CAMSAP1: variants seen among roughly 807,000 people sequenced by gnomAD.
The protein encoded by CAMSAP1 is calmodulin regulated spectrin associated protein 1, also known as calmodulin-regulated spectrin-associated protein 1.
A neutral mutation model predicts 143.5 loss-of-function variants in CAMSAP1; 58 were observed. The ratio of observed to expected loss-of-function variants is 0.40; its 90% CI spans 0.33 to 0.50. The LOEUF is 0.50. Among genes scored for constraint, CAMSAP1 ranks in the 20% least tolerant of loss-of-function variants. The pLI is 0.45. For synonymous variants in CAMSAP1, 945 were observed against 859.3 expected (o/e 1.10, Z -1.74); for missense variants, 1,969 against 2,115.7 (o/e 0.93, Z 1.36).
At chr9:135,893,159 G>C (rs1038058072) in intron 1 of CAMSAP1, among the ~76,000 whole-genome samples, 7 of 151,686 alleles carry the variant, frequency 4.6e-5, no homozygotes, top group African/African-American at 1.5e-4. Context: ...GACAGAATGA[G>C]ATCCTGTTGA....
At chr9:135,829,674 G>A (rs1346539048) in intron 7 of CAMSAP1, among the ~76,000 whole-genome samples, 6 of 152,014 alleles carry the variant, frequency 3.9e-5, no homozygotes, top group Admixed American at 6.6e-5. Context: ...GCCACATGGT[G>A]AAACTCCATG....
In CAMSAP1 at chr9:135,887,357, C is replaced by T. The variant is rs577352768; in HGVS notation, c.161-4279G>A. 2.0e-5 allele frequency among the ~76,000 whole-genome samples: 3 copies of T among 152,226 alleles called. No individual in the cohort carries two copies. The South Asian group carries it at 6.2e-4, about 32-fold the overall frequency. On this transcript the variant is annotated intron_variant, in intron 1 of 16. Coordinates refer to ENST00000389532, the MANE Select transcript of CAMSAP1 (RefSeq NM_015447.4). ...GAGCCCGCCGGACTCAGCTGGCAGC[C>T]TCGGGAAGAGCATTCTGAGAACTGG...
chr9:135,844,845 A>T (rs1427817285), intron 7 of CAMSAP1, among the ~76,000 whole-genome samples: 1 of 152,222 alleles, frequency 6.6e-6, no homozygotes, highest in African/African-American at 2.4e-5. Flanking sequence ...TGAATAGACC[A>T]ATAACAAGTT....
chr9:135,865,426 G>A (rs1034236036), intron 4 of CAMSAP1: 4 of 1,507,586 alleles, frequency 2.7e-6, no homozygotes, highest in Non-Finnish European at 3.6e-6. Context: ...GTCCACGTGT[G>A]GACGAGGTAA....
At chr9:135,879,995 A>G (rs1303288541) in intron 3 of CAMSAP1, among the ~76,000 whole-genome samples, 2 of 152,048 alleles carry the variant, frequency 1.3e-5, no homozygotes, top group Admixed American at 6.6e-5. Flanking sequence ...AAACTATCAG[A>G]ATTTTTACCA....
chr9:135,832,380 C>T (rs1328209111), intron 7 of CAMSAP1, among the ~76,000 whole-genome samples: 2 of 151,954 alleles, frequency 1.3e-5, no homozygotes, highest in African/African-American at 4.8e-5. Flanking sequence ...TTAAAAAAAA[C>T]AACTCTACAC....
chr9:135,858,498 C>T lies in CAMSAP1; in HGVS notation c.808+3969G>A, dbSNP rs541532038. Among the ~76,000 whole-genome samples, 5 of 152,320 alleles carry T rather than the reference C, an allele frequency of 3.3e-5. No homozygotes were observed. In the East Asian group the frequency reaches 9.6e-4, roughly 29 times the overall value. Reference sequence around the variant, plus strand: ...GTCCCACTACTCTTTCCCCTATGATCCATGAAATATTTAAATGCCTTCTCT... The same window carrying T: ...GTCCCACTACTCTTTCCCCTATGATTCATGAAATATTTAAATGCCTTCTCT... On this transcript the variant is annotated intron_variant, in intron 5 of 16. Transcript: ENST00000389532.
At chr9:135,900,479 G>C (rs1019156207) in intron 1 of CAMSAP1, among the ~76,000 whole-genome samples, 1 of 151,960 alleles carries the variant, frequency 6.6e-6, no homozygotes, top group African/African-American at 2.4e-5. Flanking sequence ...AGATCACGAG[G>C]TCAGGAGATC....
At chr9:135,905,782 C>T (rs1405607559) in intron 1 of CAMSAP1, among the ~76,000 whole-genome samples, 1 of 152,216 alleles carries the variant, frequency 6.6e-6, no homozygotes, top group African/African-American at 2.4e-5. Flanking sequence ...GCAGGTGAGC[C>T]CACGCAGCCG....
intron 3 of CAMSAP1, among the ~76,000 whole-genome samples, chr9:135,881,192 A>G (rs1348473716): frequency 1.3e-5 from 2 of 152,036 alleles, no homozygotes; most frequent in African/African-American, 4.8e-5. Flanking sequence ...AAAATTAAAA[A>G]AAATAAAAAA....
rs200349606 is a variant in CAMSAP1, at chr9:135,821,383, A to G, written c.3278T>C (p.Leu1093Pro). Residue 1093 changes from leucine to proline, a missense_variant, in exon 11 of 17, where the codon CTG (leucine) becomes CCG (proline). Physicochemically the swap from Leu to Pro is moderately conservative, Grantham distance 98 (BLOSUM62 -3). This residue lies in a region of CAMSAP1 where 1,390 missense variants were observed against 1,420.8 expected (regional missense o/e 0.98). Transcript: ENST00000389532. This position sits in a 1 kb window ranked among gnomAD's most constrained non-coding sequence, Gnocchi z 4.6. ...GGAACGGGAATTCCGGCCTTGACCCAGCCGGGGGGCTTTGCGGTGGCCAGC... is the reference window on the plus strand; with the variant it reads ...GGAACGGGAATTCCGGCCTTGACCCGGCCGGGGGGCTTTGCGGTGGCCAGC... Reference protein sequence around the residue: ...GVAGHRKAPRLGQGRNSRSGR... With the variant: ...GVAGHRKAPRPGQGRNSRSGR... The G allele has an allele frequency of 5.0e-6, 8 of 1,613,796 alleles. 1 individual carries two copies. The Middle Eastern group carries it at 5.0e-4, about 100-fold the overall frequency.
At chr9:135,846,269 A>G (rs964110829) in intron 7 of CAMSAP1, among the ~76,000 whole-genome samples, 10 of 152,180 alleles carry the variant, frequency 6.6e-5, no homozygotes, top group Non-Finnish European at 1.0e-4. Flanking sequence ...TGACAAAAAC[A>G]AGCAATGGGG....
At chr9:135,852,673 T>A (rs146886950) in intron 5 of CAMSAP1, among the ~76,000 whole-genome samples, 1 of 152,214 alleles carries the variant, frequency 6.6e-6, no homozygotes, top group African/African-American at 2.4e-5. Flanking sequence ...ATCTGGTCCA[T>A]GTGACTGCCC....
At chr9:135,897,207 T>G (rs1417761409) in intron 1 of CAMSAP1, among the ~76,000 whole-genome samples, 1 of 151,958 alleles carries the variant, frequency 6.6e-6, no homozygotes, top group African/African-American at 2.4e-5. Flanking sequence ...CAGGCTGGAG[T>G]GCAGTGGTAC....
intron 7 of CAMSAP1, among the ~76,000 whole-genome samples, chr9:135,839,997 C>A (rs1836279818): frequency 6.6e-6 from 1 of 152,210 alleles, no homozygotes. Flanking sequence ...AGAGCACAGA[C>A]TACCACCTGC....
Position 135,824,746 on chromosome 9 carries a change from G to C in CAMSAP1, c.1315+43C>G, listed in dbSNP as rs202053346. On this transcript the variant is annotated intron_variant, in intron 9 of 16. Coordinates refer to ENST00000389532, the MANE Select transcript of CAMSAP1 (RefSeq NM_015447.4). This position sits in a 1 kb window ranked among gnomAD's most constrained non-coding sequence, Gnocchi z 4.1. ...AGAAATATGATTTTACTAATCTATA[G>C]TAAGGAGAAATTAAGGAAAAAAGGA... 360 of 1,269,426 alleles carry C rather than the reference G, an allele frequency of 2.8e-4. No individual in the cohort carries two copies. The highest frequency in any genetic ancestry group is 3.5e-4 in the Non-Finnish European group (322 of 912,688). 78.6% of individuals were successfully genotyped at this position (1,269,426 alleles called of 1,614,324 possible). A position where few individuals can be genotyped will look rare whatever the true frequency, so the allele number is the denominator to read the frequency against.
intron 3 of CAMSAP1, among the ~76,000 whole-genome samples, chr9:135,878,879 CAG>C (rs1837839198): frequency 2.6e-5 from 4 of 152,132 alleles, no homozygotes; most frequent in African/African-American, 7.2e-5. Flanking sequence ...GGCAAGAAAA[CAG>C]TAAAATATGG....
At position 135,821,316 on chromosome 9, in the gene CAMSAP1, C is replaced by T. The variant is rs777505118; in HGVS notation, c.3345G>A (p.Gln1115=). ...AELKVPKDRP[Q]GSSRSKTPTP... Reference sequence around the variant, plus strand: ...TTGGGGTTTTACTTCGGGAGGAGCCCTGTGGCCTGTCTTTTGGGACCTTCA... The same window carrying T: ...TTGGGGTTTTACTTCGGGAGGAGCCTTGTGGCCTGTCTTTTGGGACCTTCA... The change falls in exon 11 of 17, where the codon CAG becomes CAA. Residue 1115 remains glutamine, a synonymous_variant. Coordinates refer to ENST00000389532, the MANE Select transcript of CAMSAP1 (RefSeq NM_015447.4). The surrounding 1 kb of genome is among the most constrained non-coding windows in gnomAD (Gnocchi z 4.6). The T allele has an allele frequency of 2.5e-6, 4 of 1,613,140 alleles. No homozygotes were observed. The highest frequency in any genetic ancestry group is 2.5e-6 in the Non-Finnish European group (3 of 1,179,872).
At position 135,822,396 on chromosome 9, in the gene CAMSAP1, C is replaced by T. The variant is rs1212713549; in HGVS notation, c.2265G>A (p.Glu755=). ...ATCTGCTGAAAACCACAGGATGGGC[C>T]TCACCCATGAAATCGTGCTCGGCTT... is the stretch of plus-strand genomic sequence containing the variant. ...IEEAEHDFMG[E]AHPVVFSRYI... Residue 755 remains glutamate (E), a synonymous_variant, in exon 11 of 17, where the codon GAG becomes GAA. Transcript: ENST00000389532. This position sits in a 1 kb window ranked among gnomAD's most constrained non-coding sequence, Gnocchi z 6.1. 12 of 1,613,870 alleles carry T rather than the reference C, an allele frequency of 7.4e-6. No individual in the cohort carries two copies. Among genetic ancestry groups the T allele is most frequent in the Admixed American group, 1.7e-5 (1 of 60,006 alleles).
Sources: gnomAD v4.1 joint callset for allele counts (sites outside exome capture counted in the v4.1 genomes callset) on GRCh38, gnomAD v4.1.1 for gene constraint, gnomAD v4.1.1 regional missense constraint, Gnocchi (gnomAD v3.1) non-coding constraint, MANE v1.5 for transcripts, NCBI Gene and HGNC (gene_info 2026-07-23, HGNC 2026-07-21) for gene names.